CARMIL1: variants seen among roughly 807,000 people sequenced by gnomAD.
CARMIL1 encodes the protein F-actin-uncapping protein LRRC16A.
A neutral mutation model predicts 177.1 loss-of-function variants in CARMIL1; 90 were observed. The observed-to-expected ratio is 0.51, with a 90% CI of 0.43 to 0.61. The LOEUF (loss-of-function observed/expected upper bound fraction) is 0.61. Among genes scored for constraint, CARMIL1 ranks in the 20% least tolerant of loss-of-function variants. CARMIL1 has a pLI of 0.00. For missense variants in CARMIL1, 1,380 were observed against 1,667.0 expected (o/e 0.83, Z 3.00); for synonymous variants, 577 against 606.2 (o/e 0.95, Z 0.71).
At chr6:25,384,417 G>C (rs1042904481) in intron 2 of CARMIL1, among the ~76,000 whole-genome samples, 1 of 152,224 alleles carries the variant, frequency 6.6e-6, no homozygotes, top group Non-Finnish European at 1.5e-5. Context: ...TTATATAGTA[G>C]TTTCTGTAGT....
chr6:25,530,389 C>T (rs1344091948), intron 24 of CARMIL1, among the ~76,000 whole-genome samples: 1 of 151,952 alleles, frequency 6.6e-6, no homozygotes, highest in Non-Finnish European at 1.5e-5. Context: ...GTGGCACAGA[C>T]CTGTAATCCC....
At chr6:25,464,609 T>TA (rs1362939573) in intron 8 of CARMIL1, among the ~76,000 whole-genome samples, 1 of 152,192 alleles carries the variant, frequency 6.6e-6, no homozygotes, top group Admixed American at 6.5e-5. Flanking sequence ...ATAAAACTGA[T>TA]ATGACCTCAC....
intron 17 of CARMIL1, among the ~76,000 whole-genome samples, chr6:25,505,896 A>G (rs1804861858): frequency 6.6e-6 from 1 of 152,216 alleles, no homozygotes; most frequent in Admixed American, 6.5e-5. Context: ...GAAGATGCAA[A>G]GGGCAATTAA....
intron 2 of CARMIL1, among the ~76,000 whole-genome samples, chr6:25,290,929 T>G (rs1781909687): frequency 6.6e-6 from 1 of 152,124 alleles, no homozygotes; most frequent in Non-Finnish European, 1.5e-5. Flanking sequence ...GCCTCTTGAG[T>G]AGCTGGGACT....
chr6:25,388,666 T>TTTTTATTTTA (rs879896782), intron 2 of CARMIL1, among the ~76,000 whole-genome samples: 1 of 151,948 alleles, frequency 6.6e-6, no homozygotes, highest in African/African-American at 2.4e-5. Context: ...ACCTGGCCTT[T>TTTTTATTTTA]TTTTATTTTA....
At chr6:25,540,356 A>C (rs1808771680) in intron 26 of CARMIL1, among the ~76,000 whole-genome samples, 1 of 152,228 alleles carries the variant, frequency 6.6e-6, no homozygotes, top group South Asian at 2.1e-4. Flanking sequence ...TAGAAAGAGA[A>C]GTGTGCTTCT....
At chr6:25,396,486 C>T (rs1160337253) in intron 2 of CARMIL1, among the ~76,000 whole-genome samples, 7 of 151,698 alleles carry the variant, frequency 4.6e-5, no homozygotes, top group East Asian at 1.9e-4. Context: ...CTCAGCCTCC[C>T]GAGTAGCTGG....
chr6:25,470,086 A>C (rs1465469978), intron 9 of CARMIL1, among the ~76,000 whole-genome samples: 1 of 151,082 alleles, frequency 6.6e-6, no homozygotes, highest in Non-Finnish European at 1.5e-5. Context: ...TAACTACATA[A>C]TGGTTTTTTT....
Position 25,435,580 on chromosome 6 carries a change from A to G in CARMIL1, c.347A>G (p.Lys116Arg). ...VLAHIGTCLR[K>R]IFPGLSPVRI... ...GCTCACATAGGCACCTGCCTGAGGAAGATATTTCCTGGCCTCTCTCCAGTG... is the reference window on the plus strand; with the variant it reads ...GCTCACATAGGCACCTGCCTGAGGAGGATATTTCCTGGCCTCTCTCCAGTG... The change falls in exon 5 of 37, where the codon AAG (lysine) becomes AGG (arginine). Residue 116 changes from lysine to arginine, a missense_variant. Transcript: ENST00000329474. 1 of 1,572,224 alleles carries G rather than the reference A, an allele frequency of 6.4e-7. No homozygotes were observed. The highest frequency in any genetic ancestry group is 8.6e-7 in the Non-Finnish European group (1 of 1,157,432).
At chr6:25,605,628 T>C (rs780474524) in intron 34 of CARMIL1, among the ~76,000 whole-genome samples, 4 of 152,214 alleles carry the variant, frequency 2.6e-5, no homozygotes, top group Non-Finnish European at 5.9e-5. Flanking sequence ...ATCACCCTCC[T>C]CACTCAGAAC....
At chr6:25,350,555 A>C (rs1253436225) in intron 2 of CARMIL1, 1 of 151,972 alleles carries the variant, frequency 6.6e-6, no homozygotes, top group Non-Finnish European at 1.5e-5. Flanking sequence ...TGGGCATTTG[A>C]GTTTGCAGTG....
chr6:25,597,171 T>C (rs1814939420), intron 32 of CARMIL1, among the ~76,000 whole-genome samples: 1 of 152,054 alleles, frequency 6.6e-6, no homozygotes, highest in Non-Finnish European at 1.5e-5. Context: ...GGAGGCTGAC[T>C]CACTTCATAA....
chr6:25,333,116 A>G (rs1785863016), intron 2 of CARMIL1, among the ~76,000 whole-genome samples: 1 of 152,212 alleles, frequency 6.6e-6, no homozygotes, highest in African/African-American at 2.4e-5. Flanking sequence ...CAGAGATTCT[A>G]CAGAAATGTG....
chr6:25,470,328 T>G (rs1800988235), intron 9 of CARMIL1, among the ~76,000 whole-genome samples: 1 of 152,240 alleles, frequency 6.6e-6, no homozygotes, highest in South Asian at 2.1e-4. Context: ...AATGGTTTTA[T>G]AATGAAATAC....
chr6:25,592,521 A>G (rs1228944755), intron 31 of CARMIL1, among the ~76,000 whole-genome samples: 1 of 152,212 alleles, frequency 6.6e-6, no homozygotes, highest in Non-Finnish European at 1.5e-5. Context: ...GCTCCAATAT[A>G]AAGCACCATT....
intron 25 of CARMIL1, among the ~76,000 whole-genome samples, chr6:25,538,714 A>G (rs532927112): frequency 5.9e-5 from 9 of 152,294 alleles, no homozygotes; most frequent in African/African-American, 1.9e-4. Context: ...AGCCCCTCTC[A>G]TCACACCAGA....
At chr6:25,495,991 G>A (rs1420829315) in intron 16 of CARMIL1, among the ~76,000 whole-genome samples, 1 of 152,176 alleles carries the variant, frequency 6.6e-6, no homozygotes, top group Non-Finnish European at 1.5e-5. Context: ...CCAGCTGACT[G>A]TAAATCAGCA....
At chr6:25,287,037 C>A (rs1781569700) in intron 2 of CARMIL1, among the ~76,000 whole-genome samples, 1 of 152,162 alleles carries the variant, frequency 6.6e-6, no homozygotes, top group Non-Finnish European at 1.5e-5. Flanking sequence ...CTTGCATGGG[C>A]AGGAATTATT....
chr6:25,400,232 C>T (rs1027960417), intron 2 of CARMIL1, among the ~76,000 whole-genome samples: 6 of 152,162 alleles, frequency 3.9e-5, no homozygotes, highest in African/African-American at 1.2e-4. Context: ...TAACCTAGCA[C>T]GATCCATGGT....
Sources: gnomAD v4.1 joint callset for allele counts (sites outside exome capture counted in the v4.1 genomes callset) on GRCh38, gnomAD v4.1.1 for gene constraint, MANE v1.5 for transcripts, NCBI Gene and HGNC (gene_info 2026-07-23, HGNC 2026-07-21) for gene names.